The following KTN1 variants were observed in gnomAD, a reference collection of about 807,000 sequenced individuals.
KTN1 encodes the protein kinectin.
Under a neutral mutation model 222.5 loss-of-function variants are expected in KTN1, and 130 were observed. The observed-to-expected ratio is 0.58, with a 90% CI of 0.51 to 0.68. The LOEUF (loss-of-function observed/expected upper bound fraction) is 0.68. Ranked by LOEUF, KTN1 falls within the 30% of genes least tolerant of loss-of-function variation. KTN1 has a pLI of 0.00. For missense variants in KTN1, 1,508 were observed against 1,500.4 expected (o/e 1.01, Z -0.08); for synonymous variants, 512 against 496.3 (o/e 1.03, Z -0.42).
intron 30 of KTN1, among the ~76,000 whole-genome samples, chr14:55,659,430 A>G (rs940131784): frequency 1.2e-4 from 19 of 152,220 alleles, no homozygotes; most frequent in Middle Eastern, 3.4e-3. Context: ...AATACTTATT[A>G]AATGAAGAGT....
At chr14:55,596,486 G>T (rs928970384) in intron 1 of KTN1, among the ~76,000 whole-genome samples, 1 of 152,160 alleles carries the variant, frequency 6.6e-6, no homozygotes, top group African/African-American at 2.4e-5. Context: ...TTCTAAGGAT[G>T]ACCATAGGAT....
chr14:55,683,518 C>T (rs2046541919), intron 43 of KTN1: 1 of 151,998 alleles, frequency 6.6e-6, no homozygotes, highest in South Asian at 2.1e-4. Context: ...ATGTACTATC[C>T]AATATTAAAC....
At chr14:55,593,217 C>G (rs1161727013) in intron 1 of KTN1, among the ~76,000 whole-genome samples, 1 of 151,998 alleles carries the variant, frequency 6.6e-6, no homozygotes, top group African/African-American at 2.4e-5. Context: ...TTAACATGTT[C>G]AAATTTAAAA....
rs2042804037 is a variant in KTN1 at position 55,650,244 on chromosome 14, C to T, written c.2406-84C>T. 9.7e-6 allele frequency: 8 copies of T among 823,354 alleles called. No homozygotes were observed. In the East Asian group the frequency reaches 1.8e-4, roughly 19 times the overall value. 51.0% of individuals were successfully genotyped at this position (823,354 alleles called of 1,614,324 possible). A position where few individuals can be genotyped will look rare whatever the true frequency, so the allele number is the denominator to read the frequency against. On this transcript the variant is annotated intron_variant, in intron 22 of 43. Coordinates refer to ENST00000395314, the MANE Select transcript of KTN1 (RefSeq NM_001079521.2). Reference sequence around the variant, plus strand: ...AATGGGAAAGGGTTGATTTGGAGAGCCATTTCATTATTTGGTGCTATTTTT... The same window carrying T: ...AATGGGAAAGGGTTGATTTGGAGAGTCATTTCATTATTTGGTGCTATTTTT...
At chr14:55,601,495 CT>C (rs2140468603) in intron 1 of KTN1, among the ~76,000 whole-genome samples, 1 of 152,172 alleles carries the variant, frequency 6.6e-6, no homozygotes, top group African/African-American at 2.4e-5. Context: ...GGCCATTATA[CT>C]TTTGGTGTAG....
chr14:55,646,801 T>C (rs1170208441), intron 18 of KTN1, among the ~76,000 whole-genome samples, 172 bp from the exon 19 acceptor site: 1 of 151,902 alleles, frequency 6.6e-6, no homozygotes, highest in Non-Finnish European at 1.5e-5. Context: ...TGTATCTCTT[T>C]GTTTTGTGTT....
chr14:55,597,771 T>A (rs577353051), intron 1 of KTN1, among the ~76,000 whole-genome samples: 269 of 152,104 alleles, frequency 1.8e-3, no homozygotes, highest in African/African-American at 6.4e-3. Context: ...AGAGAATCAT[T>A]TGAGCCCGGG....
Position 55,618,009 on chromosome 14 carries a change from T to A in KTN1, c.707T>A (p.Leu236Ter). The A allele has an allele frequency of 6.2e-7, 1 of 1,611,440 alleles. No homozygotes were observed. The highest frequency in any genetic ancestry group is 8.5e-7 in the Non-Finnish European group (1 of 1,178,582). The change falls in exon 4 of 44, where the codon TTG becomes TAG. Residue 236 changes from leucine to a stop codon, truncating the protein, a stop_gained. Coordinates refer to ENST00000395314, the MANE Select transcript of KTN1 (RefSeq NM_001079521.2). LOFTEE classifies it high-confidence loss of function. ...ATTCATGCAACTACTTATATTCCTT[T>A]GATGGATAATGCTGACTCAAGTCCT... ...PLIHATTYIP[L>*]MDNADSSPVV... is the part of the protein sequence containing the mutation.
intron 17 of KTN1, 42 bp from the exon 18 acceptor site, chr14:55,641,649 CT>C: frequency 3.2e-6 from 4 of 1,235,128 alleles, no homozygotes; most frequent in Admixed American, 1.7e-5. Flanking sequence ...GCTTTATTAC[CT>C]TTTTTCTTAA....
At chr14:55,651,840 A>G in intron 24 of KTN1, 50 bp from the exon 25 acceptor site, 1 of 1,181,754 alleles carries the variant, frequency 8.5e-7, no homozygotes, top group Non-Finnish European at 1.2e-6. Flanking sequence ...AAGCTTAATA[A>G]GTTAAATTGA....
intron 1 of KTN1, among the ~76,000 whole-genome samples, chr14:55,598,667 G>A (rs2035476125): frequency 6.6e-6 from 1 of 152,148 alleles, no homozygotes; most frequent in South Asian, 2.1e-4. Flanking sequence ...CTAGAATTCT[G>A]TGGCAATTAA....
At chr14:55,602,561 G>A (rs983163375) in intron 1 of KTN1, among the ~76,000 whole-genome samples, 3 of 151,602 alleles carry the variant, frequency 2.0e-5, no homozygotes, top group African/African-American at 7.3e-5. Flanking sequence ...ATTAAAATGT[G>A]TTTTATAAGA....
chr14:55,615,987 A>C (rs2038333108), intron 2 of KTN1, among the ~76,000 whole-genome samples: 1 of 151,136 alleles, frequency 6.6e-6, no homozygotes, highest in African/African-American at 2.4e-5. Flanking sequence ...ATCTTGGCTC[A>C]CTGCACCTTC....
intron 38 of KTN1, 48 bp from the exon 39 acceptor site, chr14:55,672,881 T>A: frequency 6.8e-7 from 1 of 1,471,468 alleles, no homozygotes; most frequent in Non-Finnish European, 9.5e-7. Context: ...GGAAATATTA[T>A]GAAAGGAAAT....
At chr14:55,601,483 G>A (rs972017386) in intron 1 of KTN1, among the ~76,000 whole-genome samples, 1 of 152,050 alleles carries the variant, frequency 6.6e-6, no homozygotes, top group African/African-American at 2.4e-5. Flanking sequence ...TGTGCACTCC[G>A]GGGCCATTAT....
chr14:55,596,501 G>A (rs1413656807), intron 1 of KTN1, among the ~76,000 whole-genome samples: 1 of 152,162 alleles, frequency 6.6e-6, no homozygotes, highest in African/African-American at 2.4e-5. Context: ...TAGGATAGGA[G>A]CCTCTACTTG....
chr14:55,683,494 A>G (rs2046540090), intron 43 of KTN1: 1 of 152,162 alleles, frequency 6.6e-6, no homozygotes, highest in Non-Finnish European at 1.5e-5. Context: ...AACCAAAAAG[A>G]CAAAATAGTA....
In KTN1 at chr14:55,634,647, A is replaced by G. The variant is rs751799671; in HGVS notation, c.1450A>G (p.Thr484Ala). Reference protein sequence around the residue: ...VQKKNAEQAATQLKVQLQEAE... With the variant: ...VQKKNAEQAAAQLKVQLQEAE... ...AAAGAAGAATGCTGAGCAAGCAGCT[A>G]CTCAGTTGAAGGTGATATATTCTCA... The change falls in exon 9 of 44, where the codon ACT (threonine) becomes GCT (alanine). Residue 484 changes from threonine (T) to alanine (A), a missense_variant. Thr to Ala is a moderately conservative substitution (Grantham distance 58, BLOSUM62 0). Transcript: ENST00000395314. The G allele has an allele frequency of 1.9e-6, 3 of 1,612,418 alleles. No homozygotes were observed. The highest frequency in any genetic ancestry group is 2.2e-5 in the South Asian group (2 of 90,796).
intron 8 of KTN1, among the ~76,000 whole-genome samples, chr14:55,634,252 T>TA (rs1337949448): frequency 2.0e-5 from 3 of 152,204 alleles, no homozygotes; most frequent in African/African-American, 4.8e-5. Flanking sequence ...TGATTTTTAA[T>TA]ACGTTTTCAG....
Sources: allele counts gnomAD v4.1 joint callset (sites outside exome capture counted in the v4.1 genomes callset), GRCh38; gene constraint gnomAD v4.1.1; transcripts MANE v1.5; gene names NCBI Gene and HGNC (gene_info 2026-07-23, HGNC 2026-07-21).